The following PPP1R12A variants were observed in gnomAD, a reference collection of about 807,000 sequenced individuals.
The protein encoded by PPP1R12A is protein phosphatase 1 regulatory subunit 12A.
Under a neutral mutation model 139.6 loss-of-function variants are expected in PPP1R12A, and 19 were observed. The observed-to-expected ratio is 0.14, with a 90% CI of 0.09 to 0.20. PPP1R12A has a LOEUF of 0.20. Ranked by LOEUF, PPP1R12A falls within the 10% of genes least tolerant of loss-of-function variation. PPP1R12A has a pLI of 1.00. For missense variants in PPP1R12A, 925 were observed against 1,211.5 expected (o/e 0.76, Z 3.51); for synonymous variants, 427 against 420.6 (o/e 1.02, Z -0.19).
chr12:79,890,243 TCATA>T (rs1292114228), intron 1 of PPP1R12A, among the ~76,000 whole-genome samples: 6 of 152,264 alleles, frequency 3.9e-5, no homozygotes, highest in Admixed American at 2.6e-4. Context: ...GTTGAAAAAC[TCATA>T]CAAAGTAAAT....
intron 1 of PPP1R12A, among the ~76,000 whole-genome samples, chr12:79,897,718 C>A (rs1885259863): frequency 6.6e-6 from 1 of 152,184 alleles, no homozygotes; most frequent in Admixed American, 6.5e-5. Flanking sequence ...CCACATCCTG[C>A]ATCTCCTCCA....
chr12:79,900,451 T>C (rs534520920), intron 1 of PPP1R12A, among the ~76,000 whole-genome samples: 28 of 152,154 alleles, frequency 1.8e-4, no homozygotes, highest in Non-Finnish European at 3.5e-4. Flanking sequence ...ACACAAATAT[T>C]TGCTGAATAA....
At chr12:79,904,669 A>G (rs1338893012) in intron 1 of PPP1R12A, among the ~76,000 whole-genome samples, 1 of 152,178 alleles carries the variant, frequency 6.6e-6, no homozygotes, top group African/African-American at 2.4e-5. Context: ...CTTTGAACCT[A>G]TAACACCCTA....
rs1870026978 is a variant in PPP1R12A, at chr12:79,778,578, C to A, written c.2978G>T (p.Arg993Ile). The change falls in exon 24 of 25, where the codon AGA (arginine) becomes ATA (isoleucine). Residue 993 changes from arginine to isoleucine, a missense_variant. By Grantham distance (97) the Arg-to-Ile change is moderately conservative. Around this residue, in one of 4 missense-constraint regions of PPP1R12A, gnomAD observed 315 missense variants for 363.4 expected, o/e 0.87. Transcript: ENST00000450142. ...EKRERRALER[R>I]ISEMEEELKM... Reference sequence around the variant, plus strand: ...GAGCTCTTCTTCCATTTCAGATATTCTTCTTTCTAGAGCTCTTCGTTCCTA... The same window carrying A: ...GAGCTCTTCTTCCATTTCAGATATTATTCTTTCTAGAGCTCTTCGTTCCTA... 6.5e-7 allele frequency: 1 copy of A among 1,534,102 alleles called. No individual in the cohort carries two copies. The highest frequency in any genetic ancestry group is 1.2e-5 in the South Asian group (1 of 80,874).
chr12:79,869,169 G>A (rs1371111343), intron 2 of PPP1R12A, among the ~76,000 whole-genome samples: 1 of 152,166 alleles, frequency 6.6e-6, no homozygotes, highest in African/African-American at 2.4e-5. Flanking sequence ...TGGTGAAAAG[G>A]TGAGATAATT....
chr12:79,810,502 T>C (rs1874391722), intron 9 of PPP1R12A, among the ~76,000 whole-genome samples: 2 of 152,036 alleles, frequency 1.3e-5, no homozygotes, highest in Admixed American at 1.3e-4. Context: ...ATAGGAGCAA[T>C]GAAATCATAC....
intron 5 of PPP1R12A, among the ~76,000 whole-genome samples, chr12:79,826,918 G>C (rs1450536706): frequency 6.6e-6 from 1 of 152,146 alleles, no homozygotes; most frequent in African/African-American, 2.4e-5. Context: ...CTGCCCATAT[G>C]AATGGACATG....
At chr12:79,927,936 A>G (rs969823498) in intron 1 of PPP1R12A, among the ~76,000 whole-genome samples, 1 of 152,220 alleles carries the variant, frequency 6.6e-6, no homozygotes, top group Non-Finnish European at 1.5e-5. Flanking sequence ...AGGGTGGAGT[A>G]AAAGATGGCA....
chr12:79,863,799 T>C (rs1001313414), intron 2 of PPP1R12A, among the ~76,000 whole-genome samples: 3 of 152,030 alleles, frequency 2.0e-5, no homozygotes, highest in Non-Finnish European at 2.9e-5. Flanking sequence ...CTATCTTAAA[T>C]ATGTATGCAC....
intron 1 of PPP1R12A, among the ~76,000 whole-genome samples, chr12:79,913,361 T>C (rs969497564): frequency 6.6e-6 from 1 of 152,240 alleles, no homozygotes; most frequent in Non-Finnish European, 1.5e-5. Context: ...CAACTGGAAT[T>C]TATTTTTGTG....
At chr12:79,928,005 T>G (rs1887974289) in intron 1 of PPP1R12A, among the ~76,000 whole-genome samples, 1 of 152,216 alleles carries the variant, frequency 6.6e-6, no homozygotes, top group South Asian at 2.1e-4. Context: ...AGAAGTAACA[T>G]GTTATGGTAG....
At chr12:79,836,276 G>A (rs901198611) in intron 3 of PPP1R12A, among the ~76,000 whole-genome samples, 1 of 152,050 alleles carries the variant, frequency 6.6e-6, no homozygotes, top group African/African-American at 2.4e-5. Context: ...CCTAATGTTA[G>A]TAACCTTTCT....
intron 24 of PPP1R12A, 30 bp from the exon 25 acceptor site, chr12:79,776,045 T>C: frequency 7.9e-7 from 1 of 1,267,114 alleles, no homozygotes; most frequent in South Asian, 1.4e-5. Context: ...AGATCAAGTT[T>C]TACCTTCAAT....
chr12:79,830,459 G>GT (rs1877285447), intron 4 of PPP1R12A, among the ~76,000 whole-genome samples: 1 of 152,054 alleles, frequency 6.6e-6, no homozygotes, highest in Admixed American at 6.6e-5. Flanking sequence ...CTGCTAGCAC[G>GT]TATCTTACTT....
chr12:79,826,653 T>A (rs573883528), intron 5 of PPP1R12A, among the ~76,000 whole-genome samples: 1 of 152,322 alleles, frequency 6.6e-6, no homozygotes, highest in Admixed American at 6.5e-5. Flanking sequence ...GCACTCCTTC[T>A]CTGATAGCAA....
At chr12:79,916,976 C>T (rs1235868578) in intron 1 of PPP1R12A, among the ~76,000 whole-genome samples, 1 of 151,932 alleles carries the variant, frequency 6.6e-6, no homozygotes, top group African/African-American at 2.4e-5. Context: ...CTCCCAGAGA[C>T]AACCACTGTT....
intron 23 of PPP1R12A, among the ~76,000 whole-genome samples, chr12:79,781,423 C>T (rs940425023): frequency 2.0e-5 from 3 of 151,526 alleles, no homozygotes; most frequent in Admixed American, 6.6e-5. Context: ...ATTTCAAGAA[C>T]GAAAGTATTT....
chr12:79,898,257 C>T (rs1194032095), intron 1 of PPP1R12A, among the ~76,000 whole-genome samples: 1 of 152,154 alleles, frequency 6.6e-6, no homozygotes, highest in Non-Finnish European at 1.5e-5. Flanking sequence ...CAAGACCAGC[C>T]TGGGCAACAT....
At chr12:79,782,049 T>C in intron 22 of PPP1R12A, 187 bp from the exon 23 acceptor site, 1 of 385,090 alleles carries the variant, frequency 2.6e-6, no homozygotes, top group Admixed American at 4.3e-5. Context: ...TGTTTAGAAA[T>C]AGAATGGTAA....
Sources: gnomAD v4.1 joint callset for allele counts (sites outside exome capture counted in the v4.1 genomes callset) on GRCh38, gnomAD v4.1.1 for gene constraint, gnomAD v4.1.1 regional missense constraint, MANE v1.5 for transcripts, NCBI Gene and HGNC (gene_info 2026-07-23, HGNC 2026-07-21) for gene names.